CNOT1: variants seen among roughly 807,000 people sequenced by gnomAD.
CNOT1 encodes CCR4-associated factor 1.
In CNOT1, 15 loss-of-function variants were observed where a neutral mutation model predicts 273.8. The observed-to-expected ratio is 0.05, with a 90% CI of 0.04 to 0.08. The LOEUF (loss-of-function observed/expected upper bound fraction) is 0.08. CNOT1 is among the 10% of genes least tolerant of loss of function. The probability of loss-of-function intolerance (pLI) is 1.00; values close to 1 mark genes in which losing one functional copy is unlikely to be tolerated. For synonymous variants in CNOT1, 1,022 were observed against 1,005.5 expected, an observed-to-expected ratio of 1.02 and a Z score of -0.31; for missense variants, 1,644 against 2,912.2, an observed-to-expected ratio of 0.56 and a Z score of 10.02.
At chr16:58,585,264 A>T (rs1220777771) in intron 8 of CNOT1, 74 bp downstream of exon 8, 1 of 1,578,348 alleles carries the variant, frequency 6.3e-7, no homozygotes, top group Admixed American at 2.0e-5. Flanking sequence ...AAGGAATTTT[A>T]GAGACTTTTT....
At chr16:58,621,934 A>G (rs1025744729) in intron 1 of CNOT1, among the ~76,000 whole-genome samples, 571 of 140,076 alleles carry the variant, frequency 4.1e-3, no homozygotes, top group Admixed American at 8.1e-3. Context: ...AAAAAAAAAA[A>G]GAAGATACAC....
chr16:58,528,687 GA>G, intron 43 of CNOT1, 39 bp from the exon 44 acceptor site: 4 of 1,453,524 alleles, frequency 2.8e-6, no homozygotes, highest in Admixed American at 1.9e-5. Context: ...CCACACTAAG[GA>G]AAATGGAGTA....
In CNOT1 at chr16:58,574,640, T is replaced by C. The variant is rs748262459; in HGVS notation, c.1948A>G (p.Thr650Ala). The C allele has an allele frequency of 2.5e-6, 4 of 1,600,896 alleles. No individual in the cohort carries two copies. In the East Asian group the frequency reaches 6.7e-5, roughly 27 times the overall value. Residue 650 changes from threonine (T) to alanine (A), a missense_variant, in exon 16 of 49, where the codon ACA (threonine) becomes GCA (alanine). By Grantham distance (58) the Thr-to-Ala change is moderately conservative. Coordinates refer to ENST00000317147, the MANE Select transcript of CNOT1 (RefSeq NM_016284.5). ...SAQLPPETLATMLACLQACAG... is the reference protein window; with the variant it reads ...SAQLPPETLAAMLACLQACAG... The stretch of plus-strand genomic sequence containing the variant: ...CAAGCTTGCAGACAGGCCAACATTG[T>C]CGCCAAAGTTTCTGGAGGAAGTTGA...
chr16:58,629,786 T>G lies in CNOT1; in HGVS notation c.-233A>C, dbSNP rs1460029274. 1 of 152,378 alleles carries G rather than the reference T, an allele frequency of 6.6e-6. No individual in the cohort carries two copies. Among genetic ancestry groups the G allele is most frequent in the Admixed American group, 6.5e-5 (1 of 15,282 alleles). 9.4% of individuals were successfully genotyped at this position (152,378 alleles called of 1,614,324 possible). ...ACTCCTGGGTCCCCGACTCCGGCTCTCCTCGACCCCCTCTTCGGTTAACTC... is the reference window on the plus strand; with the variant it reads ...ACTCCTGGGTCCCCGACTCCGGCTCGCCTCGACCCCCTCTTCGGTTAACTC... On this transcript the variant is annotated 5_prime_UTR_variant, in exon 1 of 49. Transcript: ENST00000317147.
intron 2 of CNOT1, among the ~76,000 whole-genome samples, chr16:58,595,980 A>C (rs943258564): frequency 7.2e-5 from 11 of 152,260 alleles, no homozygotes; most frequent in African/African-American, 2.4e-5. Context: ...TATCAAAGGC[A>C]GTCTTGTGCT....
At chr16:58,613,341 A>G (rs928544516) in intron 1 of CNOT1, among the ~76,000 whole-genome samples, 1 of 68,310 alleles carries the variant, frequency 1.5e-5, no homozygotes, top group East Asian at 2.1e-4. Context: ...TTAGAGGTTA[A>G]GTCTAAAACA....
At chr16:58,548,781 T>C (rs868681864) in intron 25 of CNOT1, 1 of 368,424 alleles carries the variant, frequency 2.7e-6, no homozygotes, top group African/African-American at 2.1e-5. Flanking sequence ...TCAGTAGAAT[T>C]TGACCTTAAA....
Position 58,520,882 on chromosome 16 carries a change from G to A in CNOT1, c.*76C>T, listed in dbSNP as rs1295614078. 2.1e-6 allele frequency: 3 copies of A among 1,451,676 alleles called. No homozygotes were observed. The highest frequency in any genetic ancestry group is 2.8e-5 in the African/African-American group (2 of 71,836). 89.9% of individuals were successfully genotyped at this position (1,451,676 alleles called of 1,614,324 possible). On this transcript the variant is annotated 3_prime_UTR_variant, in exon 49 of 49. Coordinates refer to ENST00000317147, the MANE Select transcript of CNOT1 (RefSeq NM_016284.5). ...CTGGGAAAGTCAGGAAGAGCTGAAA[G>A]GATTCTTCAGTCAGTTTATGAACTC...
At chr16:58,628,443 T>C (rs1298873281) in intron 1 of CNOT1, among the ~76,000 whole-genome samples, 1 of 152,094 alleles carries the variant, frequency 6.6e-6, no homozygotes, top group African/African-American at 2.4e-5. Context: ...TAGAAAAAAA[T>C]TGTTCTTAAT....
chr16:58,537,267 AT>A, intron 38 of CNOT1, 47 bp from the exon 39 acceptor site: 1 of 1,537,466 alleles, frequency 6.5e-7, no homozygotes, highest in Middle Eastern at 1.8e-4. Flanking sequence ...CGTAGTTGTG[AT>A]TTTACAGACA....
At chr16:58,591,747 T>C (rs2042062607) in intron 2 of CNOT1, among the ~76,000 whole-genome samples, 2 of 148,684 alleles carry the variant, frequency 1.3e-5, no homozygotes, top group Non-Finnish European at 3.0e-5. Flanking sequence ...AGAGCAAAAC[T>C]CCGTCTCGAA....
In CNOT1 at chr16:58,585,367, C is replaced by A; in HGVS notation, c.777G>T (p.Met259Ile). 6.2e-7 allele frequency: 1 copy of A among 1,613,872 alleles called. No homozygotes were observed. Among genetic ancestry groups the A allele is most frequent in the Non-Finnish European group, 8.5e-7 (1 of 1,179,990 alleles). Reference sequence around the variant, plus strand: ...CACAAAAGCCATAGCCTACTTCTTGCATGAAATCAGCCAAAGAGCTCTCCA... The same window carrying A: ...CACAAAAGCCATAGCCTACTTCTTGAATGAAATCAGCCAAAGAGCTCTCCA... Reference protein sequence around the residue: ...TMMESSLADFMQEVGYGFCAS... With the variant: ...TMMESSLADFIQEVGYGFCAS... Residue 259 changes from methionine (M) to isoleucine (I), a missense_variant, in exon 8 of 49, where the codon ATG (methionine) becomes ATT (isoleucine). Coordinates refer to ENST00000317147, the MANE Select transcript of CNOT1 (RefSeq NM_016284.5).
intron 1 of CNOT1, among the ~76,000 whole-genome samples, chr16:58,600,381 G>A (rs929814421): frequency 6.6e-6 from 1 of 152,078 alleles, no homozygotes; most frequent in African/African-American, 2.4e-5. Flanking sequence ...AAGACAACTT[G>A]TAACACTTAA....
At chr16:58,542,658 G>A (rs372891435) in intron 31 of CNOT1, 90 bp from the exon 32 acceptor site, 27 of 1,517,126 alleles carry the variant, frequency 1.8e-5, no homozygotes, top group East Asian at 6.9e-5. Context: ...AGAAAATGCA[G>A]TGCATTTGGC....
At chr16:58,597,841 C>T (rs1187173696) in intron 2 of CNOT1, 1 of 395,588 alleles carries the variant, frequency 2.5e-6, no homozygotes, top group Admixed American at 3.1e-5. Flanking sequence ...GCCCCAGGAC[C>T]ATGACCAGCA....
chr16:58,530,210 A>T, intron 43 of CNOT1, 36 bp downstream of exon 43: 1 of 1,500,044 alleles, frequency 6.7e-7, no homozygotes, highest in South Asian at 1.2e-5. Flanking sequence ...TTAAGATCTC[A>T]GTTATTTTAA....
intron 2 of CNOT1, chr16:58,598,933 C>G (rs886622927): frequency 3.6e-6 from 1 of 276,824 alleles, no homozygotes; most frequent in Non-Finnish European, 7.2e-6. Flanking sequence ...TGCCTGTAAT[C>G]CCAGCTACTC....
intron 16 of CNOT1, among the ~76,000 whole-genome samples, chr16:58,562,462 T>A (rs1409725040): frequency 7.0e-6 from 1 of 143,626 alleles, no homozygotes; most frequent in East Asian, 2.3e-4. Context: ...TATGATCACA[T>A]CAATGCACTC....
intron 10 of CNOT1, among the ~76,000 whole-genome samples, chr16:58,582,261 C>T (rs9932944): frequency 0.75 from 114,540 of 152,018 alleles, 43,573 homozygotes; most frequent in Middle Eastern, 0.86. Context: ...CACTGCACTT[C>T]AGCCTGGCCA....
Sources: allele counts gnomAD v4.1 joint callset (sites outside exome capture counted in the v4.1 genomes callset), GRCh38; gene constraint gnomAD v4.1.1; transcripts MANE v1.5; gene names NCBI Gene and HGNC (gene_info 2026-07-23, HGNC 2026-07-21).